COL22A1: variants seen among roughly 807,000 people sequenced by gnomAD.
The protein encoded by COL22A1 is collagen type XXII alpha 1 chain.
COL22A1 carries 221 observed loss-of-function variants against 248.9 expected under a neutral mutation model. The observed-to-expected ratio is 0.89, with a 90% CI of 0.80 to 0.99. The LOEUF is 0.99. Ranked by LOEUF, COL22A1 falls within the 50% of genes least tolerant of loss-of-function variation. COL22A1 has a pLI of 0.00. For missense variants in COL22A1, 2,240 were observed against 2,179.0 expected (o/e 1.03, Z -0.56); for synonymous variants, 891 against 793.4 (o/e 1.12, Z -2.07).
At chr8:138,750,817 A>C (rs1832529983) in intron 22 of COL22A1, among the ~76,000 whole-genome samples, 1 of 152,224 alleles carries the variant, frequency 6.6e-6, no homozygotes, top group South Asian at 2.1e-4. Context: ...CTTGGTGGGA[A>C]CTGGGGACAC....
intron 63 of COL22A1, among the ~76,000 whole-genome samples, chr8:138,592,742 A>G (rs866245719): frequency 8.6e-5 from 13 of 151,206 alleles, no homozygotes; most frequent in South Asian, 2.1e-4. Context: ...AATCGGTCGG[A>G]CAGGAGTGAA....
At chr8:138,729,414 C>T (rs1290166259) in intron 23 of COL22A1, among the ~76,000 whole-genome samples, 1 of 152,286 alleles carries the variant, frequency 6.6e-6, no homozygotes, top group African/African-American at 2.4e-5. Context: ...AAGACCACAG[C>T]AACTGGTTCC....
chr8:138,591,085 A>T (rs1816993986), intron 64 of COL22A1, among the ~76,000 whole-genome samples: 1 of 152,220 alleles, frequency 6.6e-6, no homozygotes, highest in African/African-American at 2.4e-5. Flanking sequence ...ACAATAGTGA[A>T]TGTGCACCAG....
chr8:138,601,038 A>C (rs1225334892), intron 60 of COL22A1, among the ~76,000 whole-genome samples: 2 of 152,210 alleles, frequency 1.3e-5, no homozygotes, highest in Non-Finnish European at 1.5e-5. Flanking sequence ...AACAGGGAAA[A>C]GGCAAGCTCT....
chr8:138,773,332 G>A (rs1452781717), intron 16 of COL22A1, among the ~76,000 whole-genome samples: 2 of 152,292 alleles, frequency 1.3e-5, no homozygotes, highest in East Asian at 3.9e-4. Flanking sequence ...ATTGGTACTG[G>A]ATTTGGTTCT....
intron 2 of COL22A1, among the ~76,000 whole-genome samples, chr8:138,881,633 C>A (rs995135563): frequency 2.0e-5 from 3 of 152,174 alleles, no homozygotes; most frequent in Admixed American, 6.5e-5. Flanking sequence ...TGCAGTGAGC[C>A]GAGATCACGC....
intron 56 of COL22A1, 73 bp from the exon 57 acceptor site, chr8:138,608,062 T>A: frequency 7.1e-7 from 1 of 1,410,972 alleles, no homozygotes; most frequent in Non-Finnish European, 9.9e-7. Flanking sequence ...AGAGATAGAC[T>A]GATGCACAGG....
chr8:138,737,552 G>C lies in COL22A1; in HGVS notation c.2111C>G (p.Pro704Arg), dbSNP rs774589262. Residue 704 changes from proline to arginine, a missense_variant, in exon 23 of 65, where the codon CCT (proline) becomes CGT (arginine). Transcript: ENST00000303045. Reference sequence around the variant, plus strand: ...CAGCCCCAGCAATCCAGGGATTCCAGGTGGTCCCATGTCACCTTTCTTCCC... The same window carrying C: ...CAGCCCCAGCAATCCAGGGATTCCACGTGGTCCCATGTCACCTTTCTTCCC... ...LRGKKGDMGPPGIPGLLGLQG... is the reference protein window; with the variant it reads ...LRGKKGDMGPRGIPGLLGLQG... The C allele has an allele frequency of 4.3e-6, 7 of 1,612,122 alleles. No individual in the cohort carries two copies. In the African/African-American group the frequency reaches 5.3e-5, roughly 12 times the overall value.
chr8:138,621,882 C>T (rs966296611), intron 52 of COL22A1, among the ~76,000 whole-genome samples: 3 of 152,202 alleles, frequency 2.0e-5, no homozygotes, highest in East Asian at 1.9e-4. Flanking sequence ...ATGTCATTTG[C>T]CCATCATGGG....
chr8:138,771,254 C>T (rs11990130), intron 16 of COL22A1, among the ~76,000 whole-genome samples: 68,814 of 152,094 alleles, frequency 0.45, 16,917 homozygotes, highest in African/African-American at 0.66. Flanking sequence ...AGGAAGCTCC[C>T]ACAGCAGGTA....
intron 23 of COL22A1, among the ~76,000 whole-genome samples, chr8:138,726,226 TCAC>T (rs1197911160): frequency 1.3e-5 from 2 of 151,840 alleles, no homozygotes; most frequent in African/African-American, 4.8e-5. Flanking sequence ...GCATGGTGGC[TCAC>T]AACTGTAATC....
chr8:138,874,902 C>A (rs1466485953), intron 3 of COL22A1, among the ~76,000 whole-genome samples: 2 of 152,186 alleles, frequency 1.3e-5, no homozygotes, highest in East Asian at 3.9e-4. Flanking sequence ...CCAATCTCAG[C>A]CCTCATGGAC....
chr8:138,599,127 G>C (rs996077867), intron 60 of COL22A1, among the ~76,000 whole-genome samples: 6 of 152,182 alleles, frequency 3.9e-5, no homozygotes, highest in Non-Finnish European at 7.3e-5. Flanking sequence ...CAGATCATGA[G>C]GTCAGGAGAT....
chr8:138,912,547 T>C (rs1815524801), intron 1 of COL22A1, among the ~76,000 whole-genome samples: 1 of 152,062 alleles, frequency 6.6e-6, no homozygotes, highest in South Asian at 2.1e-4. Context: ...TGGAGACCAG[T>C]CTGACCAACA....
At chr8:138,768,524 C>A (rs149518648) in intron 16 of COL22A1, among the ~76,000 whole-genome samples, 22 of 152,206 alleles carry the variant, frequency 1.4e-4, no homozygotes, top group Non-Finnish European at 1.0e-4. Flanking sequence ...GCAATCACAA[C>A]GGACTCGTTT....
At chr8:138,619,206 T>C (rs1374052047) in intron 53 of COL22A1, among the ~76,000 whole-genome samples, 3 of 152,226 alleles carry the variant, frequency 2.0e-5, no homozygotes, top group African/African-American at 4.8e-5. Context: ...ATTGAAATTA[T>C]AATGAATCAG....
intron 64 of COL22A1, among the ~76,000 whole-genome samples, chr8:138,590,611 A>T (rs1284491790): frequency 2.0e-5 from 3 of 152,206 alleles, no homozygotes; most frequent in Non-Finnish European, 4.4e-5. Flanking sequence ...AATTTGGAAA[A>T]TCATGAAGGT....
chr8:138,669,885 CT>C (rs34714342), intron 41 of COL22A1, among the ~76,000 whole-genome samples: 4,709 of 121,102 alleles, frequency 0.039, 71 homozygotes, highest in Non-Finnish European at 0.059. Context: ...ACTCCTAAGA[CT>C]TTTTTTTTTT....
intron 26 of COL22A1, among the ~76,000 whole-genome samples, chr8:138,721,101 C>T (rs892678339): frequency 6.6e-6 from 1 of 152,104 alleles, no homozygotes; most frequent in Non-Finnish European, 1.5e-5. Context: ...AAAAAAAATA[C>T]TTGGTCAGCC....
Sources: allele counts gnomAD v4.1 joint callset (sites outside exome capture counted in the v4.1 genomes callset), GRCh38; gene constraint gnomAD v4.1.1; transcripts MANE v1.5; gene names NCBI Gene and HGNC (gene_info 2026-07-23, HGNC 2026-07-21).